Variants in GALNTL6 observed in about 807,000 individuals in gnomAD.
The protein encoded by GALNTL6 is polypeptide N-acetylgalactosaminyltransferase like 6.
GALNTL6 carries 46 observed loss-of-function variants against 73.7 expected under a neutral mutation model. The ratio of observed to expected loss-of-function variants is 0.62; its 90% confidence interval spans 0.49 to 0.80. The LOEUF (loss-of-function observed/expected upper bound fraction) is 0.80, where lower values mean the gene tolerates loss of function less well. Ranked by LOEUF, GALNTL6 falls within the 30% of genes least tolerant of loss-of-function variation. The probability of loss-of-function intolerance (pLI) is 0.00; values close to 1 mark genes in which losing one functional copy is unlikely to be tolerated. For synonymous variants in GALNTL6, 259 were observed against 263.7 expected (o/e 0.98, Z 0.17); for missense variants, 604 against 755.0 (o/e 0.80, Z 2.34).
At chr4:172,303,743 A>C (rs1325070613) in intron 3 of GALNTL6, among the ~76,000 whole-genome samples, 3 of 152,146 alleles carry the variant, frequency 2.0e-5, no homozygotes, top group Non-Finnish European at 4.4e-5. Context: ...TTATTACCTT[A>C]ATCCTTATGT....
At chr4:172,731,787 T>G (rs1349184934) in intron 5 of GALNTL6, among the ~76,000 whole-genome samples, 1 of 152,170 alleles carries the variant, frequency 6.6e-6, no homozygotes, top group Non-Finnish European at 1.5e-5. Context: ...TTCTTAATTT[T>G]ATTGACCCAT....
chr4:172,865,572 T>C (rs1207644329), intron 7 of GALNTL6, among the ~76,000 whole-genome samples: 1 of 152,244 alleles, frequency 6.6e-6, no homozygotes, highest in African/African-American at 2.4e-5. Context: ...ACAACTATAA[T>C]TGTGATATCT....
chr4:172,721,020 T>G (rs571181156), intron 5 of GALNTL6, among the ~76,000 whole-genome samples: 97 of 152,238 alleles, frequency 6.4e-4, no homozygotes, highest in African/African-American at 2.2e-3. Flanking sequence ...AAGAAAATAT[T>G]AAGTATTTCT....
intron 7 of GALNTL6, 35 bp from the exon 8 acceptor site, chr4:172,882,755 A>T (rs1561011718): frequency 7.8e-7 from 1 of 1,280,600 alleles, no homozygotes; most frequent in South Asian, 1.2e-5. Flanking sequence ...TGTAACGTTC[A>T]TAGTCCTTTA....
rs181148847 is a variant in GALNTL6, at chr4:172,784,507, C to A, written c.554-24854C>A. On this transcript the variant is annotated intron_variant, in intron 5 of 12. Transcript: ENST00000506823. ...TTTATTATCTTACAGTTCTGGTGGT[C>A]AAAAGTCTAGAATGGGTAGACAGGG... Among the ~76,000 whole-genome samples, 34 of 152,042 alleles carry A rather than the reference C, an allele frequency of 2.2e-4. No homozygotes were observed. The East Asian group carries it at 3.7e-3, about 16-fold the overall frequency.
At chr4:172,164,107 A>G (rs935510336) in intron 2 of GALNTL6, among the ~76,000 whole-genome samples, 4 of 152,028 alleles carry the variant, frequency 2.6e-5, no homozygotes, top group East Asian at 3.8e-4. Context: ...ATAAAACAAG[A>G]TGATGAGCAT....
chr4:172,372,383 A>G (rs1316948278), intron 5 of GALNTL6, among the ~76,000 whole-genome samples: 1 of 152,226 alleles, frequency 6.6e-6, no homozygotes, highest in African/African-American at 2.4e-5. Context: ...TCTGATAGCC[A>G]TAAACTTCCT....
At chr4:171,911,514 A>G (rs1195190288) in intron 2 of GALNTL6, among the ~76,000 whole-genome samples, 1 of 152,168 alleles carries the variant, frequency 6.6e-6, no homozygotes, top group Non-Finnish European at 1.5e-5. Flanking sequence ...ATCCTGAAGA[A>G]ATGCAACCCC....
At chr4:171,941,521 T>C (rs772919457) in intron 2 of GALNTL6, among the ~76,000 whole-genome samples, 4 of 152,192 alleles carry the variant, frequency 2.6e-5, no homozygotes, top group Non-Finnish European at 5.9e-5. Flanking sequence ...TAAAGCCAAG[T>C]GGCCTTTATA....
intron 2 of GALNTL6, among the ~76,000 whole-genome samples, chr4:172,054,932 A>G (rs1730979794): frequency 6.6e-6 from 1 of 152,176 alleles, no homozygotes; most frequent in Non-Finnish European, 1.5e-5. Context: ...AAAGTTGAAG[A>G]GTATATGTAA....
At chr4:171,834,921 C>T (rs899749250) in intron 2 of GALNTL6, among the ~76,000 whole-genome samples, 1 of 151,856 alleles carries the variant, frequency 6.6e-6, no homozygotes, top group Non-Finnish European at 1.5e-5. Context: ...ATTGAAGAAC[C>T]TTGTAGAGAT....
intron 2 of GALNTL6, among the ~76,000 whole-genome samples, chr4:171,962,799 G>A (rs1192195472): frequency 1.5e-4 from 16 of 105,038 alleles, no homozygotes; most frequent in East Asian, 3.1e-4. Flanking sequence ...ATGATGTCTC[G>A]CTCTGTCGCC....
chr4:171,914,352 C>G, intron 2 of GALNTL6, among the ~76,000 whole-genome samples: 1 of 147,330 alleles, frequency 6.8e-6, no homozygotes, highest in Admixed American at 6.8e-5. Flanking sequence ...AAAGGAAAAA[C>G]AAAACCAACT....
intron 2 of GALNTL6, among the ~76,000 whole-genome samples, chr4:171,896,714 C>T (rs146160857): frequency 2.8e-4 from 43 of 152,208 alleles, no homozygotes; most frequent in African/African-American, 1.0e-3. Flanking sequence ...CCCAAAGGCC[C>T]CACCTCCTAA....
intron 5 of GALNTL6, among the ~76,000 whole-genome samples, chr4:172,436,294 T>G (rs1466213372): frequency 6.6e-6 from 1 of 152,120 alleles, no homozygotes; most frequent in Non-Finnish European, 1.5e-5. Context: ...TCAAAACCCT[T>G]TAATCCTCAA....
chr4:171,928,518 A>G (rs139984570), intron 2 of GALNTL6, among the ~76,000 whole-genome samples: 168 of 152,342 alleles, frequency 1.1e-3, no homozygotes, highest in African/African-American at 3.8e-3. Context: ...TCAAAAATAC[A>G]TGAATCATGT....
intron 5 of GALNTL6, among the ~76,000 whole-genome samples, chr4:172,617,689 G>T (rs745673374): frequency 4.6e-5 from 7 of 151,796 alleles, no homozygotes; most frequent in Non-Finnish European, 1.0e-4. Context: ...CACCGTGTTA[G>T]CCAGGATGGT....
Position 172,164,764 on chromosome 4 carries a change from A to G in GALNTL6, c.139-64892A>G, listed in dbSNP as rs186532598. Among the ~76,000 whole-genome samples, 14 of 152,192 alleles carry G rather than the reference A, an allele frequency of 9.2e-5. No individual in the cohort carries two copies. The East Asian group carries it at 1.2e-3, about 13-fold the overall frequency. Reference sequence around the variant, plus strand: ...AGGTTTCCAAATGATTGAGTTTTCAATCTTCTCATAATTACTGTGTAGTTG... The same window carrying G: ...AGGTTTCCAAATGATTGAGTTTTCAGTCTTCTCATAATTACTGTGTAGTTG... On this transcript the variant is annotated intron_variant, in intron 2 of 12. Transcript: ENST00000506823.
At chr4:172,351,298 T>C (rs1380108623) in intron 5 of GALNTL6, among the ~76,000 whole-genome samples, 4 of 152,100 alleles carry the variant, frequency 2.6e-5, no homozygotes, top group African/African-American at 9.7e-5. Context: ...TAAGGAGTTA[T>C]CATGGTAATT....
Sources: allele counts gnomAD v4.1 joint callset (sites outside exome capture counted in the v4.1 genomes callset), GRCh38; gene constraint gnomAD v4.1.1; transcripts MANE v1.5; gene names NCBI Gene and HGNC (gene_info 2026-07-23, HGNC 2026-07-21).